Variants in BMERB1 observed in about 807,000 individuals in gnomAD.
The protein encoded by BMERB1 is bMERB domain-containing protein 1.
A neutral mutation model predicts 23.6 loss-of-function variants in BMERB1; 12 were observed. The observed-to-expected ratio is 0.51, with a 90% CI of 0.33 to 0.82. BMERB1 has a LOEUF of 0.82. Among genes scored for constraint, BMERB1 ranks in the 40% least tolerant of loss-of-function variants. BMERB1 has a pLI of 0.03. For synonymous variants in BMERB1, 122 were observed against 96.6 expected (o/e 1.26, Z -1.54); for missense variants, 247 against 255.4 (o/e 0.97, Z 0.22).
intron 2 of BMERB1, among the ~76,000 whole-genome samples, chr16:15,524,155 G>A (rs904041273): frequency 7.2e-5 from 11 of 152,158 alleles, no homozygotes; most frequent in African/African-American, 2.4e-4. Flanking sequence ...GGAGCTCTGC[G>A]TCACTTTAGT....
chr16:15,530,739 C>T (rs1218339645), intron 2 of BMERB1, among the ~76,000 whole-genome samples: 3 of 152,084 alleles, frequency 2.0e-5, no homozygotes, highest in African/African-American at 7.2e-5. Flanking sequence ...ATAGTGAGTT[C>T]TCATGAGATC....
At chr16:15,506,627 C>T (rs1416808143) in intron 1 of BMERB1, among the ~76,000 whole-genome samples, 1 of 152,070 alleles carries the variant, frequency 6.6e-6, no homozygotes, top group African/African-American at 2.4e-5. Context: ...TCAACCATCA[C>T]GATTGCCTAA....
At chr16:15,568,122 T>C in intron 3 of BMERB1, 66 bp downstream of exon 3, 1 of 1,383,120 alleles carries the variant, frequency 7.2e-7, no homozygotes, top group Non-Finnish European at 1.0e-6. Context: ...GGCCCATCTG[T>C]ACGCCTGGGT....
intron 1 of BMERB1, among the ~76,000 whole-genome samples, chr16:15,511,944 C>T (rs1326420726): frequency 1.6e-5 from 2 of 125,118 alleles, no homozygotes; most frequent in African/African-American, 6.0e-5. Context: ...GCCTGGGAGG[C>T]AGAGGTTGCA....
At chr16:15,466,754 A>G (rs375934352) in intron 1 of BMERB1, among the ~76,000 whole-genome samples, 1 of 151,898 alleles carries the variant, frequency 6.6e-6, no homozygotes, top group East Asian at 1.9e-4. Context: ...AGTTCTATAC[A>G]ATTTTATCAT....
chr16:15,534,543 G>C (rs2052007157), intron 2 of BMERB1, among the ~76,000 whole-genome samples: 1 of 151,954 alleles, frequency 6.6e-6, no homozygotes, highest in South Asian at 2.1e-4. Context: ...AAGAGAGTGA[G>C]ACTCTGTCTT....
chr16:15,503,666 T>C (rs2051554184), intron 1 of BMERB1, among the ~76,000 whole-genome samples: 2 of 152,060 alleles, frequency 1.3e-5, no homozygotes, highest in Admixed American at 6.6e-5. Flanking sequence ...GAGGGACAAG[T>C]ATATCATCCC....
chr16:15,574,346 G>T (rs1367933429), intron 3 of BMERB1, among the ~76,000 whole-genome samples: 1 of 152,106 alleles, frequency 6.6e-6, no homozygotes. Context: ...AGTTTTGGGT[G>T]GCGACACAAA....
chr16:15,530,560 C>A (rs1038760123), intron 2 of BMERB1, among the ~76,000 whole-genome samples: 7 of 151,598 alleles, frequency 4.6e-5, no homozygotes, highest in African/African-American at 1.7e-4. Context: ...AGGCACGTGC[C>A]ACCACACATA....
chr16:15,555,563 T>C (rs1269519786), intron 2 of BMERB1, among the ~76,000 whole-genome samples: 1 of 152,124 alleles, frequency 6.6e-6, no homozygotes, highest in Non-Finnish European at 1.5e-5. Context: ...GGAACGAGTG[T>C]CTGACTGCAA....
intron 2 of BMERB1, among the ~76,000 whole-genome samples, chr16:15,519,190 T>A (rs1023744034): frequency 6.6e-6 from 1 of 151,674 alleles, no homozygotes; most frequent in African/African-American, 2.4e-5. Context: ...GAGGAAGCTT[T>A]AAGTGACAGG....
chr16:15,481,729 T>A (rs1040057162), intron 1 of BMERB1, among the ~76,000 whole-genome samples: 4 of 148,138 alleles, frequency 2.7e-5, no homozygotes, highest in Admixed American at 2.0e-4. Context: ...TTTTCTTTCT[T>A]TTTTTTTTTT....
intron 1 of BMERB1, among the ~76,000 whole-genome samples, chr16:15,474,031 A>G (rs1164127144): frequency 2.0e-5 from 3 of 151,630 alleles, no homozygotes; most frequent in African/African-American, 7.3e-5. Context: ...GAGGCAGGAG[A>G]ATGGCGTGAA....
chr16:15,540,711 G>T (rs1174629072), intron 2 of BMERB1, among the ~76,000 whole-genome samples: 1 of 152,196 alleles, frequency 6.6e-6, no homozygotes, highest in Non-Finnish European at 1.5e-5. Flanking sequence ...GCAAGAGGCA[G>T]CACACGTAGC....
At chr16:15,485,450 G>C (rs1289893611) in intron 1 of BMERB1, among the ~76,000 whole-genome samples, 2 of 152,116 alleles carry the variant, frequency 1.3e-5, no homozygotes, top group Non-Finnish European at 2.9e-5. Flanking sequence ...TATTACCAGC[G>C]CTGAGAAACC....
At chr16:15,574,572 G>T (rs1455894787) in intron 3 of BMERB1, among the ~76,000 whole-genome samples, 1 of 151,894 alleles carries the variant, frequency 6.6e-6, no homozygotes, top group Non-Finnish European at 1.5e-5. Flanking sequence ...TTATAATTTT[G>T]CAATGGCGAT....
chr16:15,519,108 CGT>C (rs1405833444), intron 2 of BMERB1, among the ~76,000 whole-genome samples: 21 of 147,502 alleles, frequency 1.4e-4, no homozygotes, highest in East Asian at 6.1e-4. Flanking sequence ...CACACACACA[CGT>C]GAGACACTCT....
At chr16:15,500,270 C>T (rs766682345) in intron 1 of BMERB1, among the ~76,000 whole-genome samples, 55 of 152,128 alleles carry the variant, frequency 3.6e-4, no homozygotes, top group Admixed American at 1.4e-3. Context: ...AGGGGGCAGC[C>T]GACCTGTGGG....
intron 2 of BMERB1, among the ~76,000 whole-genome samples, chr16:15,518,669 C>T (rs2051807678): frequency 6.6e-6 from 1 of 152,094 alleles, no homozygotes; most frequent in Non-Finnish European, 1.5e-5. Context: ...GTTCTTATCT[C>T]CATTTTGGAT....
Sources: allele counts gnomAD v4.1 joint callset (sites outside exome capture counted in the v4.1 genomes callset), GRCh38; gene constraint gnomAD v4.1.1; transcripts MANE v1.5; gene names NCBI Gene and HGNC (gene_info 2026-07-23, HGNC 2026-07-21).